LDLRAD4: variants seen among roughly 807,000 people sequenced by gnomAD.
LDLRAD4 encodes low density lipoprotein receptor class A domain containing 4.
In LDLRAD4, 5 loss-of-function variants were observed where a neutral mutation model predicts 17.0. The ratio of observed to expected loss-of-function variants is 0.29; its 90% confidence interval spans 0.15 to 0.62. LDLRAD4 has a LOEUF of 0.62. Among genes scored for constraint, LDLRAD4 ranks in the 20% least tolerant of loss-of-function variants. The pLI is 0.84. For missense variants in LDLRAD4, 340 were observed against 424.7 expected (o/e 0.80, Z 1.75); for synonymous variants, 168 against 171.8 (o/e 0.98, Z 0.17).
chr18:13,465,399 C>T (rs1472428350), intron 3 of LDLRAD4, among the ~76,000 whole-genome samples: 1 of 152,136 alleles, frequency 6.6e-6, no homozygotes, highest in Non-Finnish European at 1.5e-5. Flanking sequence ...CTTAAAGGCT[C>T]ATATCATGTC....
chr18:13,392,531 G>T (rs998171708), intron 2 of LDLRAD4, among the ~76,000 whole-genome samples: 1 of 152,156 alleles, frequency 6.6e-6, no homozygotes, highest in African/African-American at 2.4e-5. Context: ...GGCTGGGTCC[G>T]CCGGCCTCTG....
Position 13,326,735 on chromosome 18 carries a change from A to C in LDLRAD4, c.-383+48547A>C, listed in dbSNP as rs772595234. The stretch of plus-strand genomic sequence containing the variant: ...ATTGCCTGGCTCACCCTCTTGGCTT[A>C]ACTTTCCCTTTTGCGTAAGGAATTT... On this transcript the variant is annotated intron_variant, in intron 1 of 5. Transcript: ENST00000359446. 1.5e-4 allele frequency among the ~76,000 whole-genome samples: 23 copies of C among 151,594 alleles called. 1 individual carries two copies. The highest frequency in any genetic ancestry group is 3.5e-3 in the Middle Eastern group (1 of 288).
chr18:13,396,764 T>G (rs907435404), intron 2 of LDLRAD4, among the ~76,000 whole-genome samples: 2 of 152,238 alleles, frequency 1.3e-5, no homozygotes, highest in Non-Finnish European at 2.9e-5. Context: ...ATTACAGGTG[T>G]GAGCCACTGC....
At chr18:13,546,489 C>T (rs1157468246) in intron 3 of LDLRAD4, among the ~76,000 whole-genome samples, 1 of 151,936 alleles carries the variant, frequency 6.6e-6, no homozygotes, top group Non-Finnish European at 1.5e-5. Flanking sequence ...CTGCCTCAGC[C>T]TCCTGAGTAC....
At chr18:13,576,421 C>CAAA (rs60116058) in intron 3 of LDLRAD4, among the ~76,000 whole-genome samples, 11 of 90,270 alleles carry the variant, frequency 1.2e-4, no homozygotes, top group African/African-American at 3.5e-4. Flanking sequence ...GACTCTGTCT[C>CAAA]AAAAAAAAAA....
intron 1 of LDLRAD4, among the ~76,000 whole-genome samples, chr18:13,243,010 C>T (rs1375695255): frequency 1.3e-5 from 2 of 152,260 alleles, no homozygotes; most frequent in Non-Finnish European, 2.9e-5. Flanking sequence ...CTGCTCTGCC[C>T]CTGTGCCTTC....
At chr18:13,218,555 TC>T (rs1458760702), upstream of LDLRAD4, among the ~76,000 whole-genome samples, 1 of 152,010 alleles carries the variant, frequency 6.6e-6, no homozygotes, top group African/African-American at 2.4e-5. Context: ...AGCGGGAAGA[TC>T]CTGCAGGACC....
intron 3 of LDLRAD4, among the ~76,000 whole-genome samples, chr18:13,497,498 G>GTT (rs960874302): frequency 6.9e-6 from 1 of 144,930 alleles, no homozygotes. Flanking sequence ...CTCTTGTAGT[G>GTT]TTTTTTTTTT....
At chr18:13,612,080 G>A in intron 3 of LDLRAD4, 8 of 985,574 alleles carry the variant, frequency 8.1e-6, no homozygotes, top group Non-Finnish European at 9.6e-6. Context: ...CGCCCTCTCC[G>A]GTCCTTCCAC....
intron 3 of LDLRAD4, among the ~76,000 whole-genome samples, chr18:13,476,641 AG>A (rs1323833066): frequency 6.9e-6 from 1 of 144,214 alleles, no homozygotes; most frequent in Non-Finnish European, 1.5e-5. Flanking sequence ...AAAAAAATCC[AG>A]TCATATTTCT....
At chr18:13,471,207 C>A (rs991346351) in intron 3 of LDLRAD4, 1 of 152,294 alleles carries the variant, frequency 6.6e-6, no homozygotes. Flanking sequence ...CTCCGTGAGA[C>A]CATGTCTGAA....
intron 1 of LDLRAD4, among the ~76,000 whole-genome samples, chr18:13,311,615 T>G (rs185274335): frequency 1.5e-4 from 23 of 152,310 alleles, no homozygotes; most frequent in African/African-American, 5.5e-4. Flanking sequence ...GCTAAAGCAT[T>G]GGGCATTGTG....
chr18:13,374,076 T>G (rs918684580), intron 1 of LDLRAD4, among the ~76,000 whole-genome samples: 1 of 152,230 alleles, frequency 6.6e-6, no homozygotes, highest in Non-Finnish European at 1.5e-5. Flanking sequence ...GCTTTTACCT[T>G]TTAGAGAAAT....
intron 3 of LDLRAD4, among the ~76,000 whole-genome samples, chr18:13,494,930 G>T (rs2093436229): frequency 6.6e-6 from 1 of 151,500 alleles, no homozygotes; most frequent in Non-Finnish European, 1.5e-5. Context: ...AACCGAACGG[G>T]CTCATATTCA....
chr18:13,421,868 GGGGTGGGCAGGAGT>G (rs2089490293), intron 2 of LDLRAD4, among the ~76,000 whole-genome samples: 2 of 152,188 alleles, frequency 1.3e-5, no homozygotes, highest in Non-Finnish European at 2.9e-5. Context: ...GCCTGGGGCT[GGGGTGGGCAGGAGT>G]CCTCGCTGCA....
At chr18:13,411,736 A>G (rs952756739) in intron 2 of LDLRAD4, among the ~76,000 whole-genome samples, 11 of 152,344 alleles carry the variant, frequency 7.2e-5, no homozygotes, top group Middle Eastern at 3.4e-3. Context: ...TCCTTTATAA[A>G]TTATCCAGTC....
At chr18:13,566,820 C>T (rs1411476063) in intron 3 of LDLRAD4, among the ~76,000 whole-genome samples, 1 of 152,234 alleles carries the variant, frequency 6.6e-6, no homozygotes, top group Admixed American at 6.5e-5. Flanking sequence ...GGTTTACTTA[C>T]AAACATCTGC....
chr18:13,278,644 C>G (rs1464262576), intron 1 of LDLRAD4, among the ~76,000 whole-genome samples: 1 of 152,196 alleles, frequency 6.6e-6, no homozygotes, highest in Non-Finnish European at 1.5e-5. Context: ...GTAAGACATT[C>G]TATAAAATAT....
intron 1 of LDLRAD4, among the ~76,000 whole-genome samples, chr18:13,225,540 C>G (rs2041737653): frequency 6.6e-6 from 1 of 152,230 alleles, no homozygotes; most frequent in Non-Finnish European, 1.5e-5. Flanking sequence ...GCCCTGTCCA[C>G]TCTGTCAACA....
Sources: allele counts gnomAD v4.1 joint callset (sites outside exome capture counted in the v4.1 genomes callset), GRCh38; gene constraint gnomAD v4.1.1; transcripts MANE v1.5; gene names NCBI Gene and HGNC (gene_info 2026-07-23, HGNC 2026-07-21).